The following CELF2 variants were observed in gnomAD, a reference collection of about 807,000 sequenced individuals.
CELF2 encodes CUG triplet repeat RNA-binding protein 2.
In CELF2, 8 loss-of-function variants were observed where a neutral mutation model predicts 62.6. The observed-to-expected ratio is 0.13, with a 90% CI of 0.07 to 0.23. The LOEUF is 0.23. CELF2 is among the 10% of genes least tolerant of loss of function. CELF2 has a pLI of 1.00. For synonymous variants in CELF2, 258 were observed against 250.0 expected, an observed-to-expected ratio of 1.03 and a Z score of -0.30; for missense variants, 333 against 671.0, an observed-to-expected ratio of 0.50 and a Z score of 5.56.
chr10:10,768,105 G>T, the CELF2 span, among the ~76,000 whole-genome samples: 2 of 150,410 alleles, frequency 1.3e-5, no homozygotes, highest in Non-Finnish European at 2.9e-5. Context: ...GGCGGAGCTT[G>T]CCATGAGCTG....
chr10:10,589,927 A>G, the CELF2 span, among the ~76,000 whole-genome samples: 1 of 152,162 alleles, frequency 6.6e-6, no homozygotes, highest in African/African-American at 2.4e-5. Flanking sequence ...TGTCCTTAAA[A>G]CAACCCTAAA....
rs376250862 is a variant in CELF2 at position 11,204,812 on chromosome 10, G to A, written c.272-12613G>A. Among the ~76,000 whole-genome samples the A allele has an allele frequency of 5.9e-5, 9 of 152,348 alleles. No individual in the cohort carries two copies. The East Asian group carries it at 1.7e-3, about 29-fold the overall frequency. ...TCCCCGTCCTCATCGCAGCGTTTAGGACATCACGTCTTCTTGTGAAGCCCA... is the reference window on the plus strand; with the variant it reads ...TCCCCGTCCTCATCGCAGCGTTTAGAACATCACGTCTTCTTGTGAAGCCCA... On this transcript the variant is annotated intron_variant, in intron 2 of 12. Coordinates refer to ENST00000633077, the MANE Select transcript of CELF2 (RefSeq NM_001326342.2).
intron 8 of CELF2, among the ~76,000 whole-genome samples, chr10:11,282,501 A>T (rs1590577018): frequency 6.6e-6 from 1 of 152,308 alleles, no homozygotes; most frequent in South Asian, 2.1e-4. Flanking sequence ...GGCACTGAGG[A>T]GCTTGCCTGG....
chr10:10,585,067 G>A, the CELF2 span, among the ~76,000 whole-genome samples: 1 of 152,152 alleles, frequency 6.6e-6, no homozygotes, highest in African/African-American at 2.4e-5. Context: ...AGGTCATCTA[G>A]TAAAATAGCC....
At chr10:10,736,135 T>A in the CELF2 span, among the ~76,000 whole-genome samples, 2 of 152,210 alleles carry the variant, frequency 1.3e-5, no homozygotes, top group East Asian at 1.9e-4. Context: ...TTCTTTACCC[T>A]AGATTCTTTC....
the CELF2 span, among the ~76,000 whole-genome samples, chr10:10,741,416 A>T: frequency 7.0e-4 from 104 of 148,794 alleles, 1 homozygote; most frequent in Non-Finnish European, 1.5e-4. Flanking sequence ...GAGGCTGAGG[A>T]AGGAGAATTG....
chr10:10,836,453 A>G (rs372101483), intron 1 of CELF2, among the ~76,000 whole-genome samples: 2 of 152,222 alleles, frequency 1.3e-5, no homozygotes, highest in African/African-American at 4.8e-5. Context: ...ACAACACTGA[A>G]GTAGATAACA....
chr10:11,323,426 AT>A (rs2095551474), intron 11 of CELF2, among the ~76,000 whole-genome samples: 1 of 127,108 alleles, frequency 7.9e-6, no homozygotes. Flanking sequence ...CAGAGCAAAA[AT>A]AATAATAATA....
the CELF2 span, among the ~76,000 whole-genome samples, chr10:10,687,091 T>A: frequency 6.6e-6 from 1 of 152,222 alleles, no homozygotes; most frequent in Non-Finnish European, 1.5e-5. Context: ...CACCCTACAC[T>A]TAAACTGTGG....
intron 2 of CELF2, among the ~76,000 whole-genome samples, chr10:10,982,622 C>G (rs1028227538): frequency 6.6e-6 from 1 of 152,160 alleles, no homozygotes; most frequent in Admixed American, 6.6e-5. Flanking sequence ...TTAAAGTATG[C>G]TGAGTGCTTT....
intron 2 of CELF2, among the ~76,000 whole-genome samples, chr10:10,975,762 G>C (rs1011861692): frequency 3.3e-5 from 5 of 152,256 alleles, no homozygotes; most frequent in Non-Finnish European, 7.3e-5. Context: ...GCTTAACCCA[G>C]GCGGGTTCTT....
intron 1 of CELF2, among the ~76,000 whole-genome samples, chr10:11,152,281 A>G (rs918377391): frequency 6.6e-6 from 1 of 152,234 alleles, no homozygotes; most frequent in African/African-American, 2.4e-5. Flanking sequence ...ACCTCATTCA[A>G]GACCTTGAAC....
At position 11,286,745 on chromosome 10, in the gene CELF2, G is replaced by T. The variant is rs138485440; in HGVS notation, c.842-1673G>T. Among the ~76,000 whole-genome samples, 136 of 152,334 alleles carry T rather than the reference G, an allele frequency of 8.9e-4. 2 individuals carry two copies. The highest frequency in any genetic ancestry group is 3.0e-3 in the African/African-American group (126 of 41,564). On this transcript the variant is annotated intron_variant, in intron 8 of 12. Coordinates refer to ENST00000633077, the MANE Select transcript of CELF2 (RefSeq NM_001326342.2). ...TGATTATGTTCACTTGATGAAGCAA[G>T]GTTGCCAGAAGTCTGCCCTTTTCTT...
chr10:10,840,866 G>A (rs1023651785), intron 1 of CELF2, among the ~76,000 whole-genome samples: 2 of 151,568 alleles, frequency 1.3e-5, no homozygotes, highest in African/African-American at 2.4e-5. Context: ...AACAGGCCCC[G>A]GTGTGTGATG....
chr10:10,470,270 C>T, the CELF2 span, among the ~76,000 whole-genome samples: 1 of 151,902 alleles, frequency 6.6e-6, no homozygotes, highest in Admixed American at 6.6e-5. Context: ...TTTGTGTCTT[C>T]TACCCCTTTT....
intron 2 of CELF2, among the ~76,000 whole-genome samples, chr10:11,173,009 AAG>A (rs2069474579): frequency 6.6e-6 from 1 of 152,222 alleles, no homozygotes; most frequent in African/African-American, 2.4e-5. Flanking sequence ...TAGATTGAAA[AAG>A]TGAAGTCTAG....
chr10:10,699,159 T>C, the CELF2 span, among the ~76,000 whole-genome samples: 2,151 of 152,286 alleles, frequency 0.014, 43 homozygotes, highest in African/African-American at 0.049. Context: ...AAAAGATGCA[T>C]TGAAAAATGA....
rs1278532764 is a variant in CELF2, at chr10:11,247,609, C to T, written c.355-1544C>T. On this transcript the variant is annotated intron_variant, in intron 3 of 12. Coordinates refer to ENST00000633077, the MANE Select transcript of CELF2 (RefSeq NM_001326342.2). This position sits in a 1 kb window ranked among gnomAD's most constrained non-coding sequence, Gnocchi z 5.4. The stretch of plus-strand genomic sequence containing the variant: ...TCCTATGCCCGCCATCCCATGCCCG[C>T]CATCCCACCCCTGCCACACTGAGCA... Among the ~76,000 whole-genome samples the T allele has an allele frequency of 6.6e-6, 1 of 151,904 alleles. No homozygotes were observed. The highest frequency in any genetic ancestry group is 6.6e-5 in the Admixed American group (1 of 15,246).
the CELF2 span, among the ~76,000 whole-genome samples, chr10:10,620,514 T>C: frequency 2.8e-5 from 4 of 144,444 alleles, no homozygotes; most frequent in Non-Finnish European, 6.0e-5. Context: ...GCCCACGAAG[T>C]GTAAAATAGT....
Sources: allele counts gnomAD v4.1 joint callset (sites outside exome capture counted in the v4.1 genomes callset), GRCh38; gene constraint gnomAD v4.1.1; non-coding constraint Gnocchi (gnomAD v3.1); transcripts MANE v1.5; gene names NCBI Gene and HGNC (gene_info 2026-07-23, HGNC 2026-07-21).